Variants in GALNTL6 observed in about 807,000 individuals in gnomAD.
The protein encoded by GALNTL6 is polypeptide N-acetylgalactosaminyltransferase-like 6.
GALNTL6 carries 46 observed loss-of-function variants against 73.7 expected under a neutral mutation model. The ratio of observed to expected loss-of-function variants is 0.62; its 90% CI spans 0.49 to 0.80. The LOEUF (loss-of-function observed/expected upper bound fraction) is 0.80. Among genes scored for constraint, GALNTL6 ranks in the 30% least tolerant of loss-of-function variants. GALNTL6 has a pLI of 0.00. For missense variants in GALNTL6, 604 were observed against 755.0 expected (o/e 0.80, Z 2.34); for synonymous variants, 259 against 263.7 (o/e 0.98, Z 0.17).
chr4:171,988,008 G>A (rs931336395), intron 2 of GALNTL6, among the ~76,000 whole-genome samples: 10 of 152,174 alleles, frequency 6.6e-5, no homozygotes, highest in Non-Finnish European at 1.2e-4. Context: ...TATGCGTCAG[G>A]TATGAGGAAG....
At chr4:171,873,841 G>A (rs758779963) in intron 2 of GALNTL6, among the ~76,000 whole-genome samples, 3 of 152,080 alleles carry the variant, frequency 2.0e-5, no homozygotes, top group Admixed American at 1.3e-4. Flanking sequence ...TATATAGATA[G>A]CCTTTGGTAA....
At chr4:172,873,698 G>C (rs1348728413) in intron 7 of GALNTL6, among the ~76,000 whole-genome samples, 1 of 152,180 alleles carries the variant, frequency 6.6e-6, no homozygotes, top group Non-Finnish European at 1.5e-5. Context: ...CCAGACTTTT[G>C]ATAAGTTATA....
At chr4:172,467,742 T>TG in intron 5 of GALNTL6, among the ~76,000 whole-genome samples, 1 of 152,320 alleles carries the variant, frequency 6.6e-6, no homozygotes, top group African/African-American at 2.4e-5. Context: ...AAGCCATCCT[T>TG]GCAATCAGCT....
At chr4:172,999,056 CA>C (rs1751925065) in intron 10 of GALNTL6, among the ~76,000 whole-genome samples, 1 of 150,582 alleles carries the variant, frequency 6.6e-6, no homozygotes, top group Non-Finnish European at 1.5e-5. Context: ...ACTGAAGCAG[CA>C]ACTCCAAAAA....
intron 2 of GALNTL6, among the ~76,000 whole-genome samples, chr4:171,985,199 A>T (rs961114096): frequency 3.3e-5 from 5 of 151,984 alleles, no homozygotes; most frequent in Non-Finnish European, 5.9e-5. Flanking sequence ...TGGGTATTTT[A>T]TAAAGAAAAA....
At chr4:172,123,648 T>G (rs1297110702) in intron 2 of GALNTL6, among the ~76,000 whole-genome samples, 5 of 151,876 alleles carry the variant, frequency 3.3e-5, no homozygotes, top group African/African-American at 9.7e-5. Context: ...ATTACAGACG[T>G]GTGCCACCAT....
chr4:172,291,833 T>A (rs1739486975), intron 3 of GALNTL6, among the ~76,000 whole-genome samples: 1 of 151,836 alleles, frequency 6.6e-6, no homozygotes, highest in Non-Finnish European at 1.5e-5. Flanking sequence ...CAAAATTATA[T>A]TTTAATAAAA....
chr4:172,862,981 G>T (rs1165535835), intron 7 of GALNTL6, among the ~76,000 whole-genome samples: 3 of 152,228 alleles, frequency 2.0e-5, no homozygotes, highest in Admixed American at 6.5e-5. Flanking sequence ...TGGCTAAAAG[G>T]GGCCAAGGTA....
At chr4:172,659,025 T>G (rs1731232340) in intron 5 of GALNTL6, among the ~76,000 whole-genome samples, 1 of 152,214 alleles carries the variant, frequency 6.6e-6, no homozygotes, top group Non-Finnish European at 1.5e-5. Context: ...GTGCCAGATC[T>G]TATTGTAAGC....
chr4:171,929,437 G>T (rs1469464291), intron 2 of GALNTL6, among the ~76,000 whole-genome samples: 4 of 152,078 alleles, frequency 2.6e-5, no homozygotes, highest in Non-Finnish European at 4.4e-5. Flanking sequence ...GGTGATGTGA[G>T]CACAAGGGCC....
chr4:172,546,576 A>T (rs1400394093), intron 5 of GALNTL6, among the ~76,000 whole-genome samples: 1 of 151,328 alleles, frequency 6.6e-6, no homozygotes, highest in East Asian at 1.9e-4. Context: ...CCTTCCAACC[A>T]TGATAAGTAG....
intron 5 of GALNTL6, among the ~76,000 whole-genome samples, chr4:172,756,835 A>G (rs1332556118): frequency 6.6e-6 from 1 of 152,216 alleles, no homozygotes; most frequent in African/African-American, 2.4e-5. Context: ...ATTAAAGCAA[A>G]TAAAGCAGGT....
At chr4:171,975,497 A>T (rs1739693945) in intron 2 of GALNTL6, among the ~76,000 whole-genome samples, 1 of 150,688 alleles carries the variant, frequency 6.6e-6, no homozygotes, top group South Asian at 2.1e-4. Flanking sequence ...AGTATATAAC[A>T]TGGTGAATCC....
intron 5 of GALNTL6, among the ~76,000 whole-genome samples, chr4:172,694,805 A>T (rs977808188): frequency 6.6e-6 from 1 of 152,242 alleles, no homozygotes; most frequent in Admixed American, 6.5e-5. Flanking sequence ...AAATATAACC[A>T]TGGGCTTATT....
At chr4:172,904,845 G>A (rs1187141931) in intron 8 of GALNTL6, among the ~76,000 whole-genome samples, 8 of 152,248 alleles carry the variant, frequency 5.3e-5, no homozygotes, top group East Asian at 3.9e-4. Flanking sequence ...GGAGTGAGAA[G>A]AGAGAATATG....
At chr4:172,709,977 A>G (rs746966348) in intron 5 of GALNTL6, among the ~76,000 whole-genome samples, 2 of 152,184 alleles carry the variant, frequency 1.3e-5, no homozygotes, top group Non-Finnish European at 2.9e-5. Flanking sequence ...GCAAAAAATG[A>G]TGAACACTAA....
intron 2 of GALNTL6, among the ~76,000 whole-genome samples, chr4:171,981,823 T>C (rs1018416966): frequency 6.6e-6 from 1 of 151,992 alleles, no homozygotes; most frequent in Non-Finnish European, 1.5e-5. Context: ...TTAAAGGAAA[T>C]TATTCTCAAT....
At chr4:172,663,580 G>C (rs908920521) in intron 5 of GALNTL6, among the ~76,000 whole-genome samples, 2 of 152,098 alleles carry the variant, frequency 1.3e-5, no homozygotes, top group African/African-American at 4.8e-5. Context: ...ATAATGTGGT[G>C]GTTTCTGTAT....
intron 2 of GALNTL6, among the ~76,000 whole-genome samples, chr4:172,127,345 C>T (rs1203519339): frequency 6.6e-6 from 1 of 152,246 alleles, no homozygotes; most frequent in Non-Finnish European, 1.5e-5. Context: ...CTACTGGGGC[C>T]CAAGGTTGGG....
Sources: gnomAD v4.1 joint callset for allele counts (sites outside exome capture counted in the v4.1 genomes callset) on GRCh38, gnomAD v4.1.1 for gene constraint, MANE v1.5 for transcripts, NCBI Gene and HGNC (gene_info 2026-07-23, HGNC 2026-07-21) for gene names.